Variants in PDE1C observed in about 807,000 individuals in gnomAD.
PDE1C encodes the protein dual specificity calcium/calmodulin-dependent 3',5'-cyclic nucleotide phosphodiesterase 1C.
In PDE1C, 62 loss-of-function variants were observed where a neutral mutation model predicts 93.1. The observed-to-expected ratio is 0.67, with a 90% CI of 0.54 to 0.82. PDE1C has a LOEUF of 0.82. Among genes scored for constraint, PDE1C ranks in the 40% least tolerant of loss-of-function variants. PDE1C has a pLI of 0.00. For synonymous variants in PDE1C, 325 were observed against 310.1 expected, an observed-to-expected ratio of 1.05 and a Z score of -0.50; for missense variants, 742 against 884.6, an observed-to-expected ratio of 0.84 and a Z score of 2.04.
At chr7:32,274,530 A>C (rs1348406705) in intron 1 of PDE1C, among the ~76,000 whole-genome samples, 1 of 152,078 alleles carries the variant, frequency 6.6e-6, no homozygotes. Flanking sequence ...TTCAAGTGAA[A>C]ACTTTCATAT....
intron 1 of PDE1C, among the ~76,000 whole-genome samples, chr7:32,332,387 T>C (rs1783532512): frequency 6.6e-6 from 1 of 152,080 alleles, no homozygotes; most frequent in South Asian, 2.1e-4. Flanking sequence ...ATACCAAGTG[T>C]TGGCAAAGAT....
intron 2 of PDE1C, among the ~76,000 whole-genome samples, chr7:32,034,826 A>G (rs1790831045): frequency 1.3e-5 from 2 of 152,130 alleles, no homozygotes; most frequent in African/African-American, 2.4e-5. Context: ...ACTTATGATT[A>G]TCTAAGACTC....
chr7:31,957,232 T>C (rs907177504), intron 2 of PDE1C, among the ~76,000 whole-genome samples: 3 of 150,838 alleles, frequency 2.0e-5, no homozygotes, highest in Non-Finnish European at 4.4e-5. Context: ...CAACCCCACG[T>C]TGACATTTCA....
At chr7:31,833,497 T>C (rs1270832107) in intron 11 of PDE1C, among the ~76,000 whole-genome samples, 3 of 152,162 alleles carry the variant, frequency 2.0e-5, no homozygotes, top group Admixed American at 1.3e-4. Context: ...TAGAGACTTG[T>C]TGAATGTCTT....
chr7:32,392,209 C>T (rs1784762208), intron 1 of PDE1C, among the ~76,000 whole-genome samples: 1 of 151,998 alleles, frequency 6.6e-6, no homozygotes. Flanking sequence ...GACAACAAAT[C>T]AGATAACTTA....
chr7:32,391,812 T>C (rs1304076550), intron 1 of PDE1C, among the ~76,000 whole-genome samples: 1 of 151,892 alleles, frequency 6.6e-6, no homozygotes, highest in African/African-American at 2.4e-5. Context: ...GCATACTATA[T>C]CAAAATTTGG....
intron 1 of PDE1C, among the ~76,000 whole-genome samples, chr7:32,356,083 G>A (rs1324164303): frequency 6.6e-6 from 1 of 152,190 alleles, no homozygotes; most frequent in East Asian, 1.9e-4. Flanking sequence ...GAGAAACCAA[G>A]AAACACTTTT....
chr7:32,423,388 A>G (rs1464552421), intron 1 of PDE1C, among the ~76,000 whole-genome samples: 11 of 152,184 alleles, frequency 7.2e-5, no homozygotes, highest in Non-Finnish European at 1.2e-4. Flanking sequence ...AAAAACAAAT[A>G]AAAAATAAAA....
intron 1 of PDE1C, among the ~76,000 whole-genome samples, chr7:32,286,303 C>T (rs1811996501): frequency 1.3e-5 from 2 of 152,210 alleles, no homozygotes; most frequent in Non-Finnish European, 2.9e-5. Context: ...CATAATCAAG[C>T]TCTCAGATAA....
At chr7:32,328,909 A>G (rs1220685941) in intron 1 of PDE1C, among the ~76,000 whole-genome samples, 1 of 152,198 alleles carries the variant, frequency 6.6e-6, no homozygotes, top group Non-Finnish European at 1.5e-5. Context: ...TAGGAGATCA[A>G]TAAATTTTTG....
At chr7:31,703,354 T>C in the PDE1C span, among the ~76,000 whole-genome samples, 1 of 152,332 alleles carries the variant, frequency 6.6e-6, no homozygotes, top group East Asian at 1.9e-4. Context: ...GAGTGCTGCC[T>C]ACATCCCAAT....
chr7:32,359,941 T>C (rs1223181416), intron 1 of PDE1C, among the ~76,000 whole-genome samples: 2 of 152,234 alleles, frequency 1.3e-5, no homozygotes, highest in East Asian at 3.9e-4. Context: ...GCACATCCAT[T>C]CCTCCATTGA....
intron 1 of PDE1C, among the ~76,000 whole-genome samples, chr7:32,322,150 G>A (rs183351781): frequency 1.1e-3 from 172 of 152,238 alleles, no homozygotes; most frequent in African/African-American, 4.0e-3. Context: ...GAAGTAAACT[G>A]AGCTATCCAG....
chr7:31,869,124 A>G (rs903765249), intron 6 of PDE1C, among the ~76,000 whole-genome samples: 1 of 152,164 alleles, frequency 6.6e-6, no homozygotes, highest in Non-Finnish European at 1.5e-5. Flanking sequence ...TAAAGCAAAT[A>G]CACAAATGAG....
At chr7:31,841,573 T>C (rs948785894) in intron 9 of PDE1C, among the ~76,000 whole-genome samples, 1 of 152,154 alleles carries the variant, frequency 6.6e-6, no homozygotes, top group African/African-American at 2.4e-5. Context: ...GTTTTTATGA[T>C]GAATGTGTTG....
At chr7:31,658,821 C>G in the PDE1C span, 1 of 152,594 alleles carries the variant, frequency 6.6e-6, no homozygotes, top group Admixed American at 6.5e-5. Flanking sequence ...GATTTCAGAT[C>G]ATAAGAATCA....
At chr7:31,735,174 G>A in the PDE1C span, among the ~76,000 whole-genome samples, 8 of 152,274 alleles carry the variant, frequency 5.3e-5, no homozygotes, top group Non-Finnish European at 1.0e-4. Flanking sequence ...TGAGATGGGC[G>A]GATCACTTGA....
intron 3 of PDE1C, among the ~76,000 whole-genome samples, chr7:32,120,244 G>C (rs144187230): frequency 1.3e-5 from 2 of 152,306 alleles, no homozygotes; most frequent in African/African-American, 4.8e-5. Flanking sequence ...TGATCTCCCT[G>C]GGCCTGAGCC....
upstream of PDE1C, among the ~76,000 whole-genome samples, chr7:32,302,752 A>G (rs942098038): frequency 6.6e-6 from 1 of 152,240 alleles, no homozygotes; most frequent in African/African-American, 2.4e-5. Context: ...TTCTAAGAAA[A>G]CATCTTTTTA....
Sources: gnomAD v4.1 joint callset for allele counts (sites outside exome capture counted in the v4.1 genomes callset) on GRCh38, gnomAD v4.1.1 for gene constraint, MANE v1.5 for transcripts, NCBI Gene and HGNC (gene_info 2026-07-23, HGNC 2026-07-21) for gene names.